CDYL: variants seen among roughly 807,000 people sequenced by gnomAD.
CDYL encodes the protein chromodomain Y-like protein.
Under a neutral mutation model 47.3 loss-of-function variants are expected in CDYL, and 8 were observed. That is an observed-to-expected ratio of 0.17 (90% confidence interval 0.10 to 0.31). The LOEUF (loss-of-function observed/expected upper bound fraction) is 0.31, where lower values mean the gene tolerates loss of function less well. CDYL is among the 10% of genes least tolerant of loss of function. The pLI, the probability that CDYL is intolerant of heterozygous loss-of-function variation, is 1.00. For missense variants in CDYL, 471 were observed against 701.4 expected (o/e 0.67, Z 3.71); for synonymous variants, 266 against 265.0 (o/e 1.00, Z -0.04).
At chr6:4,773,026 T>G, upstream of CDYL, 1 of 417,510 alleles carries the variant, frequency 2.4e-6, no homozygotes, top group Non-Finnish European at 4.8e-6. This position sits in a 1 kb window ranked among gnomAD's most constrained non-coding sequence, Gnocchi z 4.6. Context: ...AGATTTCAGG[T>G]TTTAGTTATC....
At chr6:4,818,048 G>T (rs1312586205) in intron 1 of CDYL, among the ~76,000 whole-genome samples, 3 of 152,158 alleles carry the variant, frequency 2.0e-5, no homozygotes, top group African/African-American at 7.2e-5. Context: ...CTTGAGCCCA[G>T]GGTTCAAGAC....
intron 1 of CDYL, among the ~76,000 whole-genome samples, chr6:4,825,474 G>A (rs1484926474): frequency 6.6e-6 from 1 of 152,094 alleles, no homozygotes; most frequent in African/African-American, 2.4e-5. Context: ...TATTAGCTGT[G>A]AGTTTTTCAT....
chr6:4,788,938 G>C (rs935279556), intron 1 of CDYL, among the ~76,000 whole-genome samples: 11 of 152,048 alleles, frequency 7.2e-5, no homozygotes, highest in Non-Finnish European at 1.3e-4. Context: ...TGTCCCTCAA[G>C]GTGAAGCTAT....
chr6:4,872,627 G>A (rs1287223540), intron 1 of CDYL, among the ~76,000 whole-genome samples: 2 of 152,064 alleles, frequency 1.3e-5, no homozygotes, highest in African/African-American at 4.8e-5. Flanking sequence ...TGATCCACAC[G>A]CCTTGACCTC....
At chr6:4,745,358 G>A (rs761566974) in intron 3 of CDYL, among the ~76,000 whole-genome samples, 1 of 152,166 alleles carries the variant, frequency 6.6e-6, no homozygotes, top group Non-Finnish European at 1.5e-5. Context: ...TTAGGAAAAT[G>A]AGAAAATAGA....
At chr6:4,900,779 G>GTGTGTGTATATATATATATATATATA in intron 2 of CDYL, among the ~76,000 whole-genome samples, 3 of 51,708 alleles carry the variant, frequency 5.8e-5, no homozygotes, top group Non-Finnish European at 8.3e-5. Context: ...GTATACGTGT[G>GTGTGTGTATATATATATATATATATA]TATATATATA....
intron 1 of CDYL, among the ~76,000 whole-genome samples, chr6:4,866,144 G>A (rs925532280): frequency 1.3e-5 from 2 of 152,108 alleles, no homozygotes; most frequent in African/African-American, 2.4e-5. Flanking sequence ...GTGGGCCAAC[G>A]AAGAAAACAA....
chr6:4,813,149 G>A (rs111599688), intron 1 of CDYL, among the ~76,000 whole-genome samples: 52 of 152,162 alleles, frequency 3.4e-4, no homozygotes, highest in African/African-American at 1.1e-3. Flanking sequence ...ATTATAGTTC[G>A]TACTTGCTTT....
At chr6:4,900,828 T>TATATATATATACAC (rs1757025805) in intron 2 of CDYL, among the ~76,000 whole-genome samples, 2 of 99,372 alleles carry the variant, frequency 2.0e-5, no homozygotes, top group African/African-American at 7.3e-5. Flanking sequence ...TATATATATA[T>TATATATATATACAC]ATCTTGCCTG....
chr6:4,714,017 G>C (rs1216048436), intron 1 of CDYL: 1 of 152,170 alleles, frequency 6.6e-6, no homozygotes, highest in Non-Finnish European at 1.5e-5. Flanking sequence ...CGTGTGCCAG[G>C]AGTTTTGTAG....
intron 5 of CDYL, among the ~76,000 whole-genome samples, chr6:4,949,547 T>C (rs1303451425): frequency 6.6e-6 from 1 of 152,186 alleles, no homozygotes; most frequent in Non-Finnish European, 1.5e-5. Context: ...ATAACTTTCT[T>C]TTAATAGTTG....
intron 6 of CDYL, among the ~76,000 whole-genome samples, chr6:4,952,931 G>A (rs1758752849): frequency 6.6e-6 from 1 of 151,894 alleles, no homozygotes; most frequent in African/African-American, 2.4e-5. Context: ...CCATGCCTGG[G>A]TTATTTTTGT....
intron 3 of CDYL, among the ~76,000 whole-genome samples, chr6:4,757,208 G>A (rs949389104): frequency 6.6e-6 from 1 of 152,176 alleles, no homozygotes; most frequent in Non-Finnish European, 1.5e-5. Flanking sequence ...AGGTCTGCAA[G>A]AAAATGAGAA....
At chr6:4,904,433 T>G (rs1013658114) in intron 2 of CDYL, among the ~76,000 whole-genome samples, 2 of 152,214 alleles carry the variant, frequency 1.3e-5, no homozygotes, top group African/African-American at 2.4e-5. Context: ...ATCTCCAAAG[T>G]GTTTGTTACT....
chr6:4,952,193 G>C, intron 5 of CDYL, 73 bp from the exon 6 acceptor site: 1 of 1,530,744 alleles, frequency 6.5e-7, no homozygotes, highest in Non-Finnish European at 8.9e-7. Flanking sequence ...CTTCGGTGTG[G>C]ATTTTAAGGG....
intron 1 of CDYL, among the ~76,000 whole-genome samples, chr6:4,831,183 G>A (rs1760133142): frequency 6.6e-6 from 1 of 152,112 alleles, no homozygotes; most frequent in Non-Finnish European, 1.5e-5. Context: ...TAATGCCTAG[G>A]TTTTCTTCTA....
At chr6:4,949,428 A>G (rs959818028) in intron 5 of CDYL, among the ~76,000 whole-genome samples, 1 of 152,226 alleles carries the variant, frequency 6.6e-6, no homozygotes, top group South Asian at 2.1e-4. Context: ...CCCTCTGCTC[A>G]TACTGGGCCA....
intron 1 of CDYL, among the ~76,000 whole-genome samples, chr6:4,886,130 GTTAC>G (rs60397632): frequency 0.043 from 6,592 of 152,146 alleles, 470 homozygotes; most frequent in African/African-American, 0.15. Context: ...GCCACATTTT[GTTAC>G]TTACTCATCA....
intron 2 of CDYL, among the ~76,000 whole-genome samples, chr6:4,915,998 A>G (rs1757545746): frequency 6.6e-6 from 1 of 152,198 alleles, no homozygotes. Flanking sequence ...GGATCCACCC[A>G]TGACCTGGAA....
Sources: allele counts gnomAD v4.1 joint callset (sites outside exome capture counted in the v4.1 genomes callset), GRCh38; gene constraint gnomAD v4.1.1; non-coding constraint Gnocchi (gnomAD v3.1); transcripts MANE v1.5; gene names NCBI Gene and HGNC (gene_info 2026-07-23, HGNC 2026-07-21).